The following TMEM229B variants were observed in gnomAD, a reference collection of about 807,000 sequenced individuals.
TMEM229B encodes chromosome 14 open reading frame 83.
Under a neutral mutation model 13.7 loss-of-function variants are expected in TMEM229B, and 6 were observed. The observed-to-expected ratio is 0.44, with a 90% CI of 0.24 to 0.86. TMEM229B has a LOEUF of 0.86. TMEM229B is among the 40% of genes least tolerant of loss of function. The pLI, the probability that TMEM229B is intolerant of heterozygous loss-of-function variation, is 0.23. For missense variants in TMEM229B, 170 were observed against 236.0 expected (o/e 0.72, Z 1.83); for synonymous variants, 107 against 102.1 (o/e 1.05, Z -0.29).
At chr14:67,496,142 T>C (rs2032354930) in intron 1 of TMEM229B, among the ~76,000 whole-genome samples, 1 of 152,272 alleles carries the variant, frequency 6.6e-6, no homozygotes, top group Non-Finnish European at 1.5e-5. Context: ...TGAGCTGAGA[T>C]GGTGCCACTG....
At chr14:67,490,707 C>T (rs1332306750), upstream of TMEM229B, among the ~76,000 whole-genome samples, 1 of 152,180 alleles carries the variant, frequency 6.6e-6, no homozygotes, top group Admixed American at 6.5e-5. Context: ...GGCCCCTCAT[C>T]ATCTCCTTGG....
chr14:67,499,166 G>T (rs1165073354), intron 1 of TMEM229B, among the ~76,000 whole-genome samples: 2 of 151,746 alleles, frequency 1.3e-5, no homozygotes, highest in Non-Finnish European at 2.9e-5. Flanking sequence ...CAACACCCAG[G>T]TAATTTCTTA....
rs2030804115 is a variant in TMEM229B, at chr14:67,472,441, C to T, written c.*979G>A. ...CCCACTGTGGATCCACAGGGCCTAA[C>T]CCAGCCTGCCTGTGCATTGGAGGGC... On this transcript the variant is annotated 3_prime_UTR_variant, in exon 3 of 3. Coordinates refer to ENST00000554480, the MANE Select transcript of TMEM229B (RefSeq NM_001348543.2). 1 of 152,404 alleles carries T rather than the reference C, an allele frequency of 6.6e-6. No individual in the cohort carries two copies. The highest frequency in any genetic ancestry group is 2.4e-5 in the African/African-American group (1 of 41,466). 9.4% of individuals were successfully genotyped at this position (152,404 alleles called of 1,614,324 possible).
upstream of TMEM229B, among the ~76,000 whole-genome samples, chr14:67,518,066 C>T (rs894729970): frequency 6.6e-6 from 1 of 152,156 alleles, no homozygotes; most frequent in Non-Finnish European, 1.5e-5. Flanking sequence ...GGGAGGGTGA[C>T]CCTGGGTGCA....
intron 1 of TMEM229B, among the ~76,000 whole-genome samples, chr14:67,512,706 C>T (rs917839084): frequency 6.6e-6 from 1 of 152,078 alleles, no homozygotes; most frequent in Admixed American, 6.5e-5. Context: ...CATCAGAGTC[C>T]CCAACATCAT....
At chr14:67,522,108 G>T (rs1176157434) in intron 1 of TMEM229B, among the ~76,000 whole-genome samples, 1 of 152,216 alleles carries the variant, frequency 6.6e-6, no homozygotes, top group Non-Finnish European at 1.5e-5. Flanking sequence ...GGGAGGCGGA[G>T]GTTGCAGTGA....
intron 1 of TMEM229B, among the ~76,000 whole-genome samples, chr14:67,512,918 C>T (rs1423456407): frequency 6.6e-6 from 1 of 152,190 alleles, no homozygotes; most frequent in African/African-American, 2.4e-5. Flanking sequence ...CTTTGCCTAT[C>T]ACAAAAGCTG....
chr14:67,490,837 T>C (rs1787760766), upstream of TMEM229B, among the ~76,000 whole-genome samples: 1 of 152,184 alleles, frequency 6.6e-6, no homozygotes, highest in Non-Finnish European at 1.5e-5. Context: ...AAAAGTTTTT[T>C]CCTTCTGCTC....
intron 1 of TMEM229B, among the ~76,000 whole-genome samples, chr14:67,527,369 C>T (rs539449405): frequency 4.6e-5 from 7 of 152,134 alleles, no homozygotes; most frequent in East Asian, 1.9e-4. Flanking sequence ...GCTCGGGAGC[C>T]GGAGGTTGCA....
intron 2 of TMEM229B, among the ~76,000 whole-genome samples, chr14:67,486,695 A>T (rs2031902546): frequency 6.6e-6 from 1 of 152,114 alleles, no homozygotes. Context: ...TTCCCCAGAC[A>T]CGTGGAATTA....
intron 1 of TMEM229B, among the ~76,000 whole-genome samples, chr14:67,508,182 GA>G (rs1284683967): frequency 6.7e-6 from 1 of 149,622 alleles, no homozygotes; most frequent in Non-Finnish European, 1.5e-5. Context: ...CCCTTCTTGA[GA>G]AGGGACTTCC....
intron 1 of TMEM229B, among the ~76,000 whole-genome samples, chr14:67,501,062 A>ATAG (rs2032590975): frequency 6.8e-6 from 1 of 147,640 alleles, no homozygotes; most frequent in Non-Finnish European, 1.5e-5. Context: ...AATAATAATA[A>ATAG]TAATAATAAT....
At chr14:67,527,197 G>A (rs373122347) in intron 1 of TMEM229B, among the ~76,000 whole-genome samples, 103 of 152,336 alleles carry the variant, frequency 6.8e-4, no homozygotes, top group Middle Eastern at 6.8e-3. Flanking sequence ...TTTAGAGTCA[G>A]GCAGGGCAGG....
intron 2 of TMEM229B, among the ~76,000 whole-genome samples, chr14:67,482,571 C>A (rs930422027): frequency 2.6e-5 from 4 of 152,216 alleles, no homozygotes; most frequent in East Asian, 1.9e-4. Flanking sequence ...AGACCCACAG[C>A]CCTTCTAGGA....
chr14:67,496,855 T>C (rs959916192), intron 1 of TMEM229B, among the ~76,000 whole-genome samples: 1 of 151,230 alleles, frequency 6.6e-6, no homozygotes, highest in Admixed American at 6.6e-5. Flanking sequence ...TGGGGTACAG[T>C]GGCGCAATCT....
chr14:67,529,552 C>T (rs2033415763), intron 1 of TMEM229B, among the ~76,000 whole-genome samples: 1 of 152,136 alleles, frequency 6.6e-6, no homozygotes, highest in Admixed American at 6.5e-5. Context: ...CTCACATGCA[C>T]ACATATACAC....
chr14:67,493,608 T>G (rs545810942), upstream of TMEM229B, among the ~76,000 whole-genome samples: 7 of 152,332 alleles, frequency 4.6e-5, no homozygotes, highest in East Asian at 1.2e-3. Flanking sequence ...TGAGGGTCAG[T>G]GTGCTTTGGA....
At chr14:67,519,897 A>AT (rs914131368), upstream of TMEM229B, among the ~76,000 whole-genome samples, 82 of 151,076 alleles carry the variant, frequency 5.4e-4, no homozygotes, top group African/African-American at 2.0e-3. Context: ...TAATTCTTTT[A>AT]TTTTTTGTAG....
chr14:67,477,123 A>G (rs917358048), intron 2 of TMEM229B, among the ~76,000 whole-genome samples: 113 of 151,076 alleles, frequency 7.5e-4, no homozygotes, highest in African/African-American at 2.7e-3. Context: ...TCGCGATCGC[A>G]CCATTGCACT....
Sources: allele counts gnomAD v4.1 joint callset (sites outside exome capture counted in the v4.1 genomes callset), GRCh38; gene constraint gnomAD v4.1.1; transcripts MANE v1.5; gene names NCBI Gene and HGNC (gene_info 2026-07-23, HGNC 2026-07-21).